Variants in MED13L observed in about 807,000 individuals in gnomAD.
MED13L encodes mediator complex subunit 13L.
In MED13L, 7 loss-of-function variants were observed where a neutral mutation model predicts 220.9. The ratio of observed to expected loss-of-function variants is 0.03; its 90% CI spans 0.02 to 0.06. MED13L has a LOEUF of 0.06. Among genes scored for constraint, MED13L ranks in the 10% least tolerant of loss-of-function variants. MED13L has a pLI of 1.00. For synonymous variants in MED13L, 1,011 were observed against 1,015.2 expected (o/e 1.00, Z 0.08); for missense variants, 1,965 against 2,760.5 (o/e 0.71, Z 6.46).
intron 4 of MED13L, among the ~76,000 whole-genome samples, chr12:116,029,602 G>A (rs909433684): frequency 1.3e-5 from 2 of 151,976 alleles, no homozygotes; most frequent in African/African-American, 4.8e-5. Flanking sequence ...ACCTGGTACA[G>A]GAATAACAAC....
At chr12:116,078,619 C>T (rs1244646079) in intron 4 of MED13L, among the ~76,000 whole-genome samples, 5 of 152,190 alleles carry the variant, frequency 3.3e-5, no homozygotes, top group Admixed American at 3.3e-4. Flanking sequence ...TTTATTGGAA[C>T]AACCTATGCC....
chr12:116,100,598 CA>C (rs760855189), intron 3 of MED13L, among the ~76,000 whole-genome samples: 13,813 of 68,228 alleles, frequency 0.2, 440 homozygotes, highest in South Asian at 0.26. Flanking sequence ...GACTCCGTCT[CA>C]AAAAAAAAAA....
intron 9 of MED13L, among the ~76,000 whole-genome samples, chr12:116,011,165 G>A (rs987421620): frequency 6.6e-6 from 1 of 151,990 alleles, no homozygotes; most frequent in East Asian, 1.9e-4. Context: ...GATTACAGGC[G>A]TGAGCCACTG....
At chr12:116,228,945 A>T (rs954476962) in intron 2 of MED13L, among the ~76,000 whole-genome samples, 1 of 152,102 alleles carries the variant, frequency 6.6e-6, no homozygotes, top group African/African-American at 2.4e-5. Flanking sequence ...CCTCTTTTTT[A>T]AATTTTTTTT....
chr12:116,093,937 T>C (rs2392967), intron 4 of MED13L, among the ~76,000 whole-genome samples: 22,651 of 152,056 alleles, frequency 0.15, 1,905 homozygotes, highest in Middle Eastern at 0.21. Flanking sequence ...AATTATCTAA[T>C]TTAATCTTCA....
intron 4 of MED13L, among the ~76,000 whole-genome samples, chr12:116,081,144 C>T (rs1223475926): frequency 2.6e-5 from 4 of 152,206 alleles, no homozygotes; most frequent in Admixed American, 6.5e-5. Flanking sequence ...CTCCTCAGGA[C>T]ATTAACCACT....
chr12:116,104,378 G>T (rs956284972), intron 3 of MED13L, among the ~76,000 whole-genome samples: 3 of 152,044 alleles, frequency 2.0e-5, no homozygotes, highest in African/African-American at 7.2e-5. Context: ...TTGAAAGATA[G>T]GAATAGACAA....
intron 4 of MED13L, among the ~76,000 whole-genome samples, chr12:116,055,508 T>C (rs1180291303): frequency 1.3e-5 from 2 of 152,192 alleles, no homozygotes; most frequent in Non-Finnish European, 2.9e-5. Flanking sequence ...ATCCCTCCTA[T>C]GAAGACCAAG....
At chr12:116,096,464 T>C (rs1403828565) in intron 4 of MED13L, among the ~76,000 whole-genome samples, 1 of 149,812 alleles carries the variant, frequency 6.7e-6, no homozygotes, top group Non-Finnish European at 1.5e-5. Context: ...GGCTTGAACA[T>C]GAGTATATTG....
Position 116,019,873 on chromosome 12 carries a change from A to C in MED13L, c.725T>G (p.Phe242Cys). The change falls in exon 6 of 31, where the codon TTC (phenylalanine) becomes TGC (cysteine). Residue 242 changes from phenylalanine (F) to cysteine (C), a missense_variant. Coordinates refer to ENST00000281928, the MANE Select transcript of MED13L (RefSeq NM_015335.5). ...TRKLIEEWQYFYPMVLKKKEE... is the reference protein window; with the variant it reads ...TRKLIEEWQYCYPMVLKKKEE... ...TTTCTTTTTTAGCACCATCGGGTAG[A>C]AATACTGCCATTCCTCAATCAACTT... 1.9e-6 allele frequency: 3 copies of C among 1,614,010 alleles called. No individual in the cohort carries two copies. Among genetic ancestry groups the C allele is most frequent in the Non-Finnish European group, 2.5e-6 (3 of 1,179,970 alleles).
rs1186167450 is a variant in MED13L at position 115,975,714 on chromosome 12, A to G, written c.5389T>C (p.Ser1797Pro). The change falls in exon 24 of 31, where the codon TCC becomes CCC. Residue 1797 changes from serine to proline, a missense_variant. Ser to Pro is a moderately conservative substitution (Grantham distance 74). Transcript: ENST00000281928. ...PERPSPIQLY[S>P]PPFILAPIKD... ...ATTGGGGCCAATATAAAGGGAGGGG[A>G]GTAAAGCTGGATTGGGCTGGGCCGC... is the stretch of plus-strand genomic sequence containing the variant. 4 of 1,613,762 alleles carry G rather than the reference A, an allele frequency of 2.5e-6. No homozygotes were observed. The highest frequency in any genetic ancestry group is 3.4e-6 in the Non-Finnish European group (4 of 1,180,010).
At chr12:116,266,786 T>C (rs1443301964) in intron 1 of MED13L, among the ~76,000 whole-genome samples, 1 of 152,184 alleles carries the variant, frequency 6.6e-6, no homozygotes, top group Non-Finnish European at 1.5e-5. Flanking sequence ...ATTCTAAACC[T>C]CTAGATACAA....
chr12:116,109,484 G>A (rs979261024), intron 3 of MED13L, among the ~76,000 whole-genome samples: 1 of 151,526 alleles, frequency 6.6e-6, no homozygotes, highest in Non-Finnish European at 1.5e-5. Flanking sequence ...ATTCATTTTC[G>A]CATTTGTTCG....
intron 2 of MED13L, among the ~76,000 whole-genome samples, chr12:116,144,111 G>A (rs1164600811): frequency 6.6e-6 from 1 of 152,194 alleles, no homozygotes; most frequent in Non-Finnish European, 1.5e-5. Flanking sequence ...TGACTGAGCT[G>A]AGAAATTCCT....
chr12:116,177,967 C>G (rs1880197892), intron 2 of MED13L, among the ~76,000 whole-genome samples: 1 of 152,122 alleles, frequency 6.6e-6, no homozygotes, highest in Non-Finnish European at 1.5e-5. Flanking sequence ...GTGATGCTCC[C>G]CTGTCAGCCT....
intron 2 of MED13L, among the ~76,000 whole-genome samples, chr12:116,129,969 T>C (rs1203497059): frequency 2.6e-5 from 4 of 151,934 alleles, no homozygotes; most frequent in African/African-American, 9.7e-5. Flanking sequence ...ACATATCCAT[T>C]TACCTCAAGA....
intron 3 of MED13L, among the ~76,000 whole-genome samples, chr12:116,100,462 T>C (rs1387607644): frequency 6.6e-6 from 1 of 151,294 alleles, no homozygotes; most frequent in East Asian, 2.0e-4. Context: ...TACCCGGGTG[T>C]TGTGGTGGGC....
At chr12:116,232,152 G>A (rs955589248) in intron 2 of MED13L, 11 of 984,982 alleles carry the variant, frequency 1.1e-5, no homozygotes, top group Non-Finnish European at 1.3e-5. Flanking sequence ...ACAGGTGGCA[G>A]CACTCTTAAA....
chr12:116,203,527 G>T (rs551937780), intron 2 of MED13L, among the ~76,000 whole-genome samples: 3 of 152,118 alleles, frequency 2.0e-5, no homozygotes, highest in Non-Finnish European at 4.4e-5. Flanking sequence ...TACCACAAAA[G>T]ACAAGAGTGA....
Sources: gnomAD v4.1 joint callset for allele counts (sites outside exome capture counted in the v4.1 genomes callset) on GRCh38, gnomAD v4.1.1 for gene constraint, MANE v1.5 for transcripts, NCBI Gene and HGNC (gene_info 2026-07-23, HGNC 2026-07-21) for gene names.